TENM3: variants seen among roughly 807,000 people sequenced by gnomAD.
TENM3 encodes teneurin-3.
In TENM3, 63 loss-of-function variants were observed where a neutral mutation model predicts 255.1. The ratio of observed to expected loss-of-function variants is 0.25; its 90% CI spans 0.20 to 0.30. The LOEUF is 0.30. Among genes scored for constraint, TENM3 ranks in the 10% least tolerant of loss-of-function variants. TENM3 has a pLI of 1.00. For synonymous variants in TENM3, 1,306 were observed against 1,322.3 expected, an observed-to-expected ratio of 0.99 and a Z score of 0.27; for missense variants, 2,929 against 3,461.1, an observed-to-expected ratio of 0.85 and a Z score of 3.86.
chr4:182,734,631 C>T (rs1311401071), intron 16 of TENM3, among the ~76,000 whole-genome samples: 1 of 152,122 alleles, frequency 6.6e-6, no homozygotes, highest in Non-Finnish European at 1.5e-5. Context: ...GGACATGGTT[C>T]CTAACCGAAT....
At chr4:182,024,824 C>T in the TENM3 span, among the ~76,000 whole-genome samples, 1 of 152,060 alleles carries the variant, frequency 6.6e-6, no homozygotes. Context: ...CCACCTCCCC[C>T]TGACCCAGCT....
In TENM3 at chr4:182,801,318, G is replaced by T. The variant is rs1223225322; in HGVS notation, c.*967G>T. 1 of 152,236 alleles carries T rather than the reference G, an allele frequency of 6.6e-6. No individual in the cohort carries two copies. Among genetic ancestry groups the T allele is most frequent in the Non-Finnish European group, 1.5e-5 (1 of 68,020 alleles). 9.4% of individuals were successfully genotyped at this position (152,236 alleles called of 1,614,324 possible). On this transcript the variant is annotated 3_prime_UTR_variant, in exon 28 of 28. Transcript: ENST00000511685. ...GGATAGGACCGTGCAATTCTAGGTGGGTGGCGAATCAGAGAGCTCCTTTCT... is the reference window on the plus strand; with the variant it reads ...GGATAGGACCGTGCAATTCTAGGTGTGTGGCGAATCAGAGAGCTCCTTTCT...
chr4:181,847,767 A>C, the TENM3 span, among the ~76,000 whole-genome samples: 1 of 151,984 alleles, frequency 6.6e-6, no homozygotes, highest in Non-Finnish European at 1.5e-5. Flanking sequence ...ATTGATTAAG[A>C]ATATTAACTT....
chr4:182,348,072 GA>G (rs996957672), intron 3 of TENM3, among the ~76,000 whole-genome samples: 5 of 152,180 alleles, frequency 3.3e-5, no homozygotes, highest in Non-Finnish European at 4.4e-5. Flanking sequence ...TTCTATTCAT[GA>G]AAAAAGGTCT....
intron 5 of TENM3, among the ~76,000 whole-genome samples, chr4:182,643,256 A>C (rs1162678464): frequency 6.6e-6 from 1 of 152,230 alleles, no homozygotes; most frequent in African/African-American, 2.4e-5. Flanking sequence ...TTATGTATTC[A>C]TGAAATTGAT....
the TENM3 span, among the ~76,000 whole-genome samples, chr4:181,677,890 C>A: frequency 6.6e-6 from 1 of 152,116 alleles, no homozygotes; most frequent in Non-Finnish European, 1.5e-5. Context: ...TCTTCACATA[C>A]TGTTTCTTCT....
chr4:182,543,637 A>G (rs1435026625), intron 3 of TENM3, among the ~76,000 whole-genome samples: 2 of 152,072 alleles, frequency 1.3e-5, no homozygotes, highest in East Asian at 1.9e-4. Flanking sequence ...TCACCAAAAA[A>G]CTTAAAAAAT....
intron 3 of TENM3, among the ~76,000 whole-genome samples, chr4:182,447,797 T>C (rs1773052060): frequency 6.6e-6 from 1 of 152,176 alleles, no homozygotes; most frequent in Non-Finnish European, 1.5e-5. Flanking sequence ...AAAGCACCGG[T>C]GAATCTAAAA....
the TENM3 span, among the ~76,000 whole-genome samples, chr4:181,984,064 C>T: frequency 6.6e-6 from 1 of 152,012 alleles, no homozygotes; most frequent in Non-Finnish European, 1.5e-5. Flanking sequence ...ACTCATTCTT[C>T]TACCCCCACT....
At chr4:182,263,975 G>A (rs1272562649) in intron 1 of TENM3, among the ~76,000 whole-genome samples, 1 of 152,178 alleles carries the variant, frequency 6.6e-6, no homozygotes, top group East Asian at 1.9e-4. Context: ...TGGCCCCCAG[G>A]GCGATGGTGC....
the TENM3 span, among the ~76,000 whole-genome samples, chr4:181,470,563 G>A: frequency 2.0e-5 from 3 of 152,020 alleles, no homozygotes; most frequent in South Asian, 2.1e-4. Flanking sequence ...ATATGAGCCC[G>A]TGCTGATTGG....
At chr4:182,322,843 T>C (rs570501279) in intron 1 of TENM3, among the ~76,000 whole-genome samples, 1 of 152,222 alleles carries the variant, frequency 6.6e-6, no homozygotes, top group South Asian at 2.1e-4. Context: ...CAAAGGATAC[T>C]ACAGGAACCA....
chr4:182,160,338 G>A (rs754369038), intron 1 of TENM3, among the ~76,000 whole-genome samples: 1 of 152,112 alleles, frequency 6.6e-6, no homozygotes, highest in Non-Finnish European at 1.5e-5. Context: ...AAAATAAATG[G>A]TTACCTTTTT....
At chr4:181,685,480 G>A in the TENM3 span, among the ~76,000 whole-genome samples, 1 of 152,082 alleles carries the variant, frequency 6.6e-6, no homozygotes, top group Non-Finnish European at 1.5e-5. Context: ...TGTAATGTTT[G>A]GTTAAATCCA....
intron 1 of TENM3, among the ~76,000 whole-genome samples, chr4:182,318,102 A>G (rs1009208012): frequency 6.6e-6 from 1 of 152,196 alleles, no homozygotes; most frequent in Non-Finnish European, 1.5e-5. Flanking sequence ...TATAATAAAG[A>G]TAGGAGGACA....
At chr4:182,638,799 T>G (rs1239541425) in intron 5 of TENM3, among the ~76,000 whole-genome samples, 2 of 152,172 alleles carry the variant, frequency 1.3e-5, no homozygotes, top group Non-Finnish European at 2.9e-5. Context: ...CCTTTCTGTT[T>G]TCTCCTCCAC....
At chr4:182,467,042 A>C (rs1732666784) in intron 3 of TENM3, among the ~76,000 whole-genome samples, 1 of 152,166 alleles carries the variant, frequency 6.6e-6, no homozygotes, top group Non-Finnish European at 1.5e-5. Flanking sequence ...AATGTTTGCT[A>C]TTCAATCATA....
At chr4:181,779,257 TA>T in the TENM3 span, among the ~76,000 whole-genome samples, 2 of 131,160 alleles carry the variant, frequency 1.5e-5, no homozygotes, top group African/African-American at 6.7e-5. Context: ...TCTTTTACTT[TA>T]AGTTATTTAT....
In TENM3 at chr4:182,236,682, A is replaced by G. The variant is rs139855544; in HGVS notation, c.-75-87264A>G. Among the ~76,000 whole-genome samples the G allele has an allele frequency of 2.5e-3, 382 of 152,348 alleles. 1 individual carries two copies. The highest frequency in any genetic ancestry group is 8.8e-3 in the African/African-American group (367 of 41,594). On this transcript the variant is annotated intron_variant, in intron 1 of 2. Transcript: ENST00000512480. ...TATGTGAATTAAGAAACTTTTCTTG[A>G]TGAAGTAAAACATAAGGTTCAGAAG...
Sources: allele counts gnomAD v4.1 joint callset (sites outside exome capture counted in the v4.1 genomes callset), GRCh38; gene constraint gnomAD v4.1.1; transcripts MANE v1.5; gene names NCBI Gene and HGNC (gene_info 2026-07-23, HGNC 2026-07-21).